The following DLD variants were observed in gnomAD, a reference collection of about 807,000 sequenced individuals.
The protein encoded by DLD is dihydrolipoamide dehydrogenase.
Under a neutral mutation model 62.2 loss-of-function variants are expected in DLD, and 36 were observed. The observed-to-expected ratio is 0.58, with a 90% CI of 0.44 to 0.76. The LOEUF is 0.76. Among genes scored for constraint, DLD ranks in the 30% least tolerant of loss-of-function variants. The pLI is 0.00. For missense variants in DLD, 541 were observed against 608.6 expected (o/e 0.89, Z 1.17); for synonymous variants, 204 against 199.6 (o/e 1.02, Z -0.19).
rs777341624 is a variant in DLD at position 107,919,275 on chromosome 7, A to T, written c.*16A>T. The T allele has an allele frequency of 3.2e-6, 5 of 1,570,316 alleles. No individual in the cohort carries two copies. The South Asian group carries it at 3.4e-5, about 11-fold the overall frequency. On this transcript the variant is annotated 3_prime_UTR_variant, in exon 14 of 14. Coordinates refer to ENST00000205402, the MANE Select transcript of DLD (RefSeq NM_000108.5). ...CAACTTTTGAATTAGAAGATTATAT[A>T]TATTTTTTTCTGAAATTTCCTGGGA... is the stretch of plus-strand genomic sequence containing the variant.
chr7:107,891,145 A>G (rs1053058458), upstream of DLD: 4 of 1,414,342 alleles, frequency 2.8e-6, no homozygotes, highest in African/African-American at 2.8e-5. Context: ...CCGGGTGATG[A>G]CGTAGGCTGC....
At chr7:107,895,212 G>A (rs1396084491) in intron 2 of DLD, among the ~76,000 whole-genome samples, 1 of 152,174 alleles carries the variant, frequency 6.6e-6, no homozygotes, top group South Asian at 2.1e-4. Flanking sequence ...GGAAGAGTTA[G>A]GTTTTTTAAC....
At chr7:107,900,360 A>AG (rs1469791935) in intron 2 of DLD, among the ~76,000 whole-genome samples, 1 of 152,188 alleles carries the variant, frequency 6.6e-6, no homozygotes, top group East Asian at 1.9e-4. Context: ...GTAGGTCAGA[A>AG]TATAGCTACT....
Position 107,919,277 on chromosome 7 carries a change from A to AC in DLD, c.*18_*19insC. The AC allele has an allele frequency of 3.8e-6, 6 of 1,578,830 alleles. No individual in the cohort carries two copies. The highest frequency in any genetic ancestry group is 5.2e-6 in the Non-Finnish European group (6 of 1,156,526). ...ACTTTTGAATTAGAAGATTATATAT[A>AC]TTTTTTTCTGAAATTTCCTGGGAGC... On this transcript the variant is annotated 3_prime_UTR_variant, in exon 14 of 14. Coordinates refer to ENST00000205402, the MANE Select transcript of DLD (RefSeq NM_000108.5).
At chr7:107,891,553 A>AC (rs978449978) in intron 1 of DLD, 1 of 593,486 alleles carries the variant, frequency 1.7e-6, no homozygotes, top group Non-Finnish European at 3.0e-6. Context: ...CACATGCCAC[A>AC]CCCCCAAGCC....
chr7:107,892,722 AT>A (rs1264757190), intron 1 of DLD, among the ~76,000 whole-genome samples: 1 of 151,894 alleles, frequency 6.6e-6, no homozygotes, highest in African/African-American at 2.4e-5. Flanking sequence ...ATTTTCTTGT[AT>A]TTTTAGTAGA....
At chr7:107,918,287 C>T (rs2116275271) in intron 12 of DLD, among the ~76,000 whole-genome samples, 1 of 152,274 alleles carries the variant, frequency 6.6e-6, no homozygotes, top group East Asian at 1.9e-4. Flanking sequence ...TTAAAACATA[C>T]ACCAGATTAT....
intron 5 of DLD, among the ~76,000 whole-genome samples, chr7:107,903,929 A>G (rs1289319486): frequency 1.3e-5 from 2 of 152,186 alleles, no homozygotes; most frequent in Non-Finnish European, 2.9e-5. Context: ...AGGCCCACTT[A>G]AGCTGTTGAT....
chr7:107,919,894 C>T lies in DLD; in HGVS notation c.*635C>T, dbSNP rs991696528. 6.6e-6 allele frequency: 1 copy of T among 152,542 alleles called. No individual in the cohort carries two copies. Among genetic ancestry groups the T allele is most frequent in the East Asian group, 1.9e-4 (1 of 5,348 alleles). The allele number at this position is 152,542 out of a possible 1,614,324, so 9.4% of individuals were successfully genotyped here. On this transcript the variant is annotated 3_prime_UTR_variant, in exon 14 of 14. Transcript: ENST00000205402. The stretch of plus-strand genomic sequence containing the variant: ...AAATTAAGAGAGTCTATTTACGGAA[C>T]TCAAATACGTGGGCATTCAAATGTA...
chr7:107,913,512 T>C (rs565234524), intron 8 of DLD, among the ~76,000 whole-genome samples: 1 of 152,110 alleles, frequency 6.6e-6, no homozygotes, highest in African/African-American at 2.4e-5. Context: ...GGGATTGCTT[T>C]TTTTTTTTCT....
intron 5 of DLD, 155 bp from the exon 6 acceptor site, chr7:107,904,802 CT>C: frequency 1.5e-6 from 1 of 684,932 alleles, no homozygotes; most frequent in Non-Finnish European, 2.7e-6. Flanking sequence ...TGATGTTGGC[CT>C]TTTGTCAACT....
intron 7 of DLD, chr7:107,905,731 C>G: frequency 1.8e-6 from 1 of 541,308 alleles, no homozygotes; most frequent in Non-Finnish European, 3.3e-6. Flanking sequence ...TTAAAATTGA[C>G]CATTGCGTTT....
At chr7:107,899,827 A>G (rs1236741963) in intron 2 of DLD, among the ~76,000 whole-genome samples, 1 of 151,882 alleles carries the variant, frequency 6.6e-6, no homozygotes, top group Non-Finnish European at 1.5e-5. Flanking sequence ...GTGTATTTAA[A>G]TTTATTCAGT....
chr7:107,915,809 T>C, intron 9 of DLD, 113 bp downstream of exon 9: 1 of 847,020 alleles, frequency 1.2e-6, no homozygotes, highest in East Asian at 2.7e-5. Flanking sequence ...AAGGTCATTT[T>C]ATTACTTAAT....
Position 107,919,304 on chromosome 7 carries a change from T to C in DLD, c.*45T>C. On this transcript the variant is annotated 3_prime_UTR_variant, in exon 14 of 14. Transcript: ENST00000205402. The stretch of plus-strand genomic sequence containing the variant: ...TTTTTTCTGAAATTTCCTGGGAGCT[T>C]TTGTAGAAGTCACATTCCTGAACAG... 6.8e-7 allele frequency: 1 copy of C among 1,461,854 alleles called. No individual in the cohort carries two copies. 90.6% of individuals were successfully genotyped at this position (1,461,854 alleles called of 1,614,324 possible).
At position 107,906,241 on chromosome 7, in the gene DLD, G is replaced by T; in HGVS notation, c.583-26G>T. 5 of 1,430,010 alleles carry T rather than the reference G, an allele frequency of 3.5e-6. No individual in the cohort carries two copies. The South Asian group carries it at 5.8e-5, about 16-fold the overall frequency. 88.6% of individuals were successfully genotyped at this position (1,430,010 alleles called of 1,614,324 possible). A position where few individuals can be genotyped will look rare whatever the true frequency, so the allele number is the denominator to read the frequency against. On this transcript the variant is annotated intron_variant, in intron 7 of 13. Transcript: ENST00000205402. The stretch of plus-strand genomic sequence containing the variant: ...GTACTAGGTTTTTTCAAATTATTTT[G>T]ATTATATCTTTTGTTTTTCTTACAG...
intron 8 of DLD, 89 bp downstream of exon 8, chr7:107,906,457 G>A (rs1386384148): frequency 1.2e-6 from 1 of 822,238 alleles, no homozygotes; most frequent in African/African-American, 1.7e-5. Flanking sequence ...TAACATTACA[G>A]GCTGATCAGC....
At chr7:107,904,871 T>C (rs1045882591) in intron 5 of DLD, 87 bp from the exon 6 acceptor site, 2 of 927,578 alleles carry the variant, frequency 2.2e-6, no homozygotes, top group African/African-American at 3.3e-5. Context: ...AGCATTAGGT[T>C]GAAATTTTCC....
At chr7:107,893,304 T>A (rs2031637648) in intron 2 of DLD, 26 bp downstream of exon 2, 1 of 1,559,282 alleles carries the variant, frequency 6.4e-7, no homozygotes, top group South Asian at 1.1e-5. Context: ...AAACATTTTT[T>A]TCATCACATT....
Sources: allele counts gnomAD v4.1 joint callset (sites outside exome capture counted in the v4.1 genomes callset), GRCh38; gene constraint gnomAD v4.1.1; transcripts MANE v1.5; gene names NCBI Gene and HGNC (gene_info 2026-07-23, HGNC 2026-07-21).